The following PRDM16 variants were observed in gnomAD, a reference collection of about 807,000 sequenced individuals.
PRDM16 encodes the protein PR/SET domain 16.
In PRDM16, 23 loss-of-function variants were observed where a neutral mutation model predicts 110.6. The observed-to-expected ratio is 0.21, with a 90% CI of 0.15 to 0.29. The LOEUF is 0.29. Ranked by LOEUF, PRDM16 falls within the 10% of genes least tolerant of loss-of-function variation. The pLI, the probability that PRDM16 is intolerant of heterozygous loss-of-function variation, is 1.00. For missense variants in PRDM16, 1,615 were observed against 1,794.3 expected (o/e 0.90, Z 1.81); for synonymous variants, 799 against 781.8 (o/e 1.02, Z -0.37).
Position 3,212,618 on chromosome 1 carries a change from A to ATCCTACCGGCCCCCTCGCTGC in PRDM16, c.387+26144_387+26145insTCCTACCGGCCCCCTCGCTGC, listed in dbSNP as rs1638915910. Among the ~76,000 whole-genome samples, 280 of 122,612 alleles carry ATCCTACCGGCCCCCTCGCTGC rather than the reference A, an allele frequency of 2.3e-3. 22 individuals are homozygous for ATCCTACCGGCCCCCTCGCTGC. Among genetic ancestry groups the ATCCTACCGGCCCCCTCGCTGC allele is most frequent in the African/African-American group, 9.4e-3 (257 of 27,354 alleles). 80.4% of individuals were successfully genotyped at this position (122,612 alleles called of 152,430 possible). On this transcript the variant is annotated intron_variant, in intron 2 of 16. Transcript: ENST00000270722. ...GCTCATCCTCCCGGCCCCCTCGCTG[A>ATCCTACCGGCCCCCTCGCTGC]GGTCCTCCCGCTCATCCTCCCGGCC...
chr1:3,130,073 G>T (rs2100681436), intron 1 of PRDM16, among the ~76,000 whole-genome samples: 1 of 152,288 alleles, frequency 6.6e-6, no homozygotes, highest in African/African-American at 2.4e-5. Flanking sequence ...GACCCCCTGG[G>T]CAGACTCCTG....
At position 3,409,234 on chromosome 1, in the gene PRDM16, AGTGT is replaced by A. The variant is rs562387491; in HGVS notation, c.1187-2146_1187-2143del. Among the ~76,000 whole-genome samples, 8 of 150,692 alleles carry A rather than the reference AGTGT, an allele frequency of 5.3e-5. No individual in the cohort carries two copies. The East Asian group carries it at 1.4e-3, about 26-fold the overall frequency. ...GTGAGTTGGTGCGTGTGGGTGTGAGAGTGTGTGAGTGGGGCACAGCCAGGGTGTG... is the reference window on the plus strand; with the variant it reads ...GTGAGTTGGTGCGTGTGGGTGTGAGAGTGAGTGGGGCACAGCCAGGGTGTG... On this transcript the variant is annotated intron_variant, in intron 8 of 16. Coordinates refer to ENST00000270722, the MANE Select transcript of PRDM16 (RefSeq NM_022114.4).
Position 3,243,193 on chromosome 1 carries a change from C to T in PRDM16, c.388-894C>T, listed in dbSNP as rs61054290. On this transcript the variant is annotated intron_variant, in intron 2 of 16. Coordinates refer to ENST00000270722, the MANE Select transcript of PRDM16 (RefSeq NM_022114.4). This position sits in a 1 kb window ranked among gnomAD's most constrained non-coding sequence, Gnocchi z 5.5. ...GGGGTGGGAGCTCCTGTGTGGCCCA[C>T]AGCCCGCTGCTGGGGGTCCTCAGTG... Among the ~76,000 whole-genome samples, 4,976 of 152,218 alleles carry T rather than the reference C, an allele frequency of 0.033. 259 individuals carry two copies. The highest frequency in any genetic ancestry group is 0.11 in the African/African-American group (4,716 of 41,462).
At chr1:3,393,706 G>T (rs971595302) in intron 4 of PRDM16, among the ~76,000 whole-genome samples, 1 of 152,176 alleles carries the variant, frequency 6.6e-6, no homozygotes, top group South Asian at 2.1e-4. Flanking sequence ...TGTGACACCG[G>T]GGACAGGCTG....
In PRDM16 at chr1:3,382,599, C is replaced by T. The variant is rs1381981512; in HGVS notation, c.439-2553C>T. Among the ~76,000 whole-genome samples, 1 of 152,180 alleles carries T rather than the reference C, an allele frequency of 6.6e-6. No individual in the cohort carries two copies. The highest frequency in any genetic ancestry group is 1.5e-5 in the Non-Finnish European group (1 of 68,036). ...GCCCAGAACAGGGGGAAGGTGTTGG[C>T]TGAGCCCATGTCTTGGGTGCATTAG... On this transcript the variant is annotated intron_variant, in intron 3 of 16. Transcript: ENST00000270722. This position sits in a 1 kb window ranked among gnomAD's most constrained non-coding sequence, Gnocchi z 6.6.
In PRDM16 at chr1:3,402,881, T is replaced by C. The variant is rs1162515585; in HGVS notation, c.767T>C (p.Val256Ala). The C allele has an allele frequency of 6.2e-7, 1 of 1,612,990 alleles. No individual in the cohort carries two copies. The highest frequency in any genetic ancestry group is 1.3e-5 in the African/African-American group (1 of 75,032). Residue 256 changes from valine (V) to alanine (A), a missense_variant, in exon 6 of 17, where the codon GTG (valine) becomes GCG (alanine). By Grantham distance (64) the Val-to-Ala change is moderately conservative. Coordinates refer to ENST00000270722, the MANE Select transcript of PRDM16 (RefSeq NM_022114.4). Reference sequence around the variant, plus strand: ...CATAAGAAGTACACGTGTGGCTCAGTGGGGGCTGCGCTCTACGAGGGCCTG... The same window carrying C: ...CATAAGAAGTACACGTGTGGCTCAGCGGGGGCTGCGCTCTACGAGGGCCTG... ...RRHKKYTCGSVGAALYEGLAE... is the reference protein window; with the variant it reads ...RRHKKYTCGSAGAALYEGLAE...
chr1:3,125,546 G>C (rs1197784487), intron 1 of PRDM16, among the ~76,000 whole-genome samples: 1 of 152,270 alleles, frequency 6.6e-6, no homozygotes, highest in Non-Finnish European at 1.5e-5. Context: ...GCCTCTGGGG[G>C]GACCGGCCCT....
At chr1:3,089,513 G>A (rs1450869381) in intron 1 of PRDM16, among the ~76,000 whole-genome samples, 2 of 152,224 alleles carry the variant, frequency 1.3e-5, no homozygotes, top group Admixed American at 6.5e-5. Flanking sequence ...GCCTTCCCAC[G>A]TGGGGAAAAT....
intron 2 of PRDM16, chr1:3,237,990 C>G (rs531347724): frequency 2.6e-5 from 4 of 152,432 alleles, no homozygotes; most frequent in Non-Finnish European, 5.9e-5. Flanking sequence ...AGCTCGGGTC[C>G]CATGGGGTTG....
At chr1:3,418,580 G>C (rs535338791) in intron 11 of PRDM16, 87 bp from the exon 12 acceptor site, 4 of 896,246 alleles carry the variant, frequency 4.5e-6, no homozygotes, top group Non-Finnish European at 7.3e-6. Context: ...GTGAGACCCC[G>C]AGCATTAGCT....
intron 3 of PRDM16, among the ~76,000 whole-genome samples, chr1:3,384,148 C>T (rs776438891): frequency 2.6e-5 from 4 of 151,852 alleles, no homozygotes; most frequent in Non-Finnish European, 4.4e-5. Context: ...GACACACCTG[C>T]CCACCCATAT....
At chr1:3,314,645 T>C (rs958333611) in intron 3 of PRDM16, among the ~76,000 whole-genome samples, 2 of 151,632 alleles carry the variant, frequency 1.3e-5, no homozygotes, top group African/African-American at 2.4e-5. Flanking sequence ...TTTTGTGTGT[T>C]GTTGTTGTTT....
intron 1 of PRDM16, among the ~76,000 whole-genome samples, chr1:3,165,943 A>AC (rs1643951336): frequency 1.3e-5 from 2 of 151,502 alleles, no homozygotes; most frequent in South Asian, 4.2e-4. Context: ...ACAGGGACTC[A>AC]CCTTTTTTTT....
chr1:3,394,373 C>T, intron 4 of PRDM16: 1 of 440,440 alleles, frequency 2.3e-6, no homozygotes, highest in Admixed American at 2.4e-5. Context: ...GCCGCCCAGC[C>T]CCCGTCCGCC....
chr1:3,417,821 C>A lies in PRDM16; in HGVS notation c.2692-7C>A. 1 of 1,613,168 alleles carries A rather than the reference C, an allele frequency of 6.2e-7. No homozygotes were observed. The highest frequency in any genetic ancestry group is 8.5e-7 in the Non-Finnish European group (1 of 1,179,424). ...GAGTCCATAACCTCCCACTCTTATG[C>A]CTACAGATGTCAGCCATAGAGACCA... On this transcript the variant is annotated splice_region_variant and splice_polypyrimidine_tract_variant and intron_variant, in intron 10 of 16. Transcript: ENST00000270722.
intron 1 of PRDM16, chr1:3,132,954 CTG>C (rs1643364590): frequency 6.6e-6 from 1 of 152,252 alleles, no homozygotes; most frequent in Non-Finnish European, 1.5e-5. Flanking sequence ...GTAATTGACA[CTG>C]TGCTGTATTT....
intron 4 of PRDM16, among the ~76,000 whole-genome samples, chr1:3,391,936 C>T (rs756447773): frequency 1.3e-5 from 2 of 152,260 alleles, no homozygotes; most frequent in African/African-American, 2.4e-5. Context: ...ATCATCACTA[C>T]GACATGCTCA....
rs755124978 is a variant in PRDM16, at chr1:3,244,189, C to G, written c.438+52C>G. On this transcript the variant is annotated intron_variant, in intron 3 of 16. Coordinates refer to ENST00000270722, the MANE Select transcript of PRDM16 (RefSeq NM_022114.4). The surrounding 1 kb of genome is among the most constrained non-coding windows in gnomAD (Gnocchi z 4.1). ...CAGCTCCCCAGCGTCCTCGGAGCTC[C>G]TGGCGGGGCGACCGCCATCCCAGCT... 2 of 1,563,772 alleles carry G rather than the reference C, an allele frequency of 1.3e-6. No individual in the cohort carries two copies.
intron 2 of PRDM16, among the ~76,000 whole-genome samples, chr1:3,228,919 CCT>C (rs1419768096): frequency 6.6e-6 from 1 of 152,250 alleles, no homozygotes; most frequent in Non-Finnish European, 1.5e-5. Context: ...CAACCTCACC[CCT>C]CTTTTCAGTC....
Sources: allele counts gnomAD v4.1 joint callset (sites outside exome capture counted in the v4.1 genomes callset), GRCh38; gene constraint gnomAD v4.1.1; non-coding constraint Gnocchi (gnomAD v3.1); transcripts MANE v1.5; gene names NCBI Gene and HGNC (gene_info 2026-07-23, HGNC 2026-07-21).